The following DSTN variants were observed in gnomAD, a reference collection of about 807,000 sequenced individuals.
DSTN encodes the protein destrin.
DSTN carries 10 observed loss-of-function variants against 16.8 expected under a neutral mutation model. The ratio of observed to expected loss-of-function variants is 0.60; its 90% CI spans 0.37 to 1.01. The LOEUF is 1.01. DSTN is among the 50% of genes least tolerant of loss of function. The probability of loss-of-function intolerance (pLI) is 0.01; values close to 1 mark genes in which losing one functional copy is unlikely to be tolerated. For synonymous variants in DSTN, 57 were observed against 58.9 expected (o/e 0.97, Z 0.14); for missense variants, 141 against 196.7 (o/e 0.72, Z 1.69).
At chr20:17,573,638 A>G (rs923531219) in intron 1 of DSTN, among the ~76,000 whole-genome samples, 3 of 152,122 alleles carry the variant, frequency 2.0e-5, no homozygotes, top group African/African-American at 7.2e-5. Flanking sequence ...GTTGTATCTC[A>G]TCATTAACAG....
chr20:17,588,833 G>A (rs74273008), intron 1 of DSTN, among the ~76,000 whole-genome samples: 10,714 of 152,182 alleles, frequency 0.07, 615 homozygotes, highest in African/African-American at 0.15. Context: ...TGGACAGCAC[G>A]GCTCTCTAGA....
intron 1 of DSTN, among the ~76,000 whole-genome samples, chr20:17,587,504 G>A (rs888757717): frequency 6.6e-6 from 1 of 151,994 alleles, no homozygotes; most frequent in Non-Finnish European, 1.5e-5. Context: ...ATTAACACTC[G>A]GAATAGGTAC....
At chr20:17,603,411 G>GA (rs564885603) in intron 2 of DSTN, among the ~76,000 whole-genome samples, 2 of 151,116 alleles carry the variant, frequency 1.3e-5, no homozygotes, top group South Asian at 2.1e-4. Context: ...ATAACATTGA[G>GA]AAAAAAAAAT....
rs973000288 is a variant in DSTN, at chr20:17,609,309, G to A, written c.*2163G>A. The A allele has an allele frequency of 4.1e-4, 62 of 152,344 alleles. No individual in the cohort carries two copies. The highest frequency in any genetic ancestry group is 1.4e-3 in the African/African-American group (57 of 41,564). 9.4% of individuals were successfully genotyped at this position (152,344 alleles called of 1,614,324 possible). A position where few individuals can be genotyped will look rare whatever the true frequency, so the allele number is the denominator to read the frequency against. Reference sequence around the variant, plus strand: ...TCCTTGAACTCTTGGGCTCCAGCAAGCCTCCTGCCTTGGCCTCCTAAAGTG... The same window carrying A: ...TCCTTGAACTCTTGGGCTCCAGCAAACCTCCTGCCTTGGCCTCCTAAAGTG... On this transcript the variant is annotated 3_prime_UTR_variant, in exon 4 of 4. Transcript: ENST00000246069.
chr20:17,577,553 C>T (rs1306756187), intron 1 of DSTN, among the ~76,000 whole-genome samples: 2 of 137,332 alleles, frequency 1.5e-5, no homozygotes, highest in African/African-American at 5.9e-5. Flanking sequence ...GGCAACAAAG[C>T]AAGACCCTGT....
intron 2 of DSTN, 93 bp downstream of exon 2, chr20:17,601,138 C>G (rs2035582989): frequency 7.1e-7 from 1 of 1,407,688 alleles, no homozygotes; most frequent in East Asian, 2.4e-5. Flanking sequence ...TTTATTCAAA[C>G]TATTTGCAGT....
intron 1 of DSTN, among the ~76,000 whole-genome samples, chr20:17,596,451 G>C (rs2035527524): frequency 6.6e-6 from 1 of 152,124 alleles, no homozygotes; most frequent in African/African-American, 2.4e-5. Flanking sequence ...TTCCTTTTCT[G>C]TTCATATATT....
At chr20:17,570,299 AGC>A in intron 1 of DSTN, 88 bp downstream of exon 1, 6 of 1,376,866 alleles carry the variant, frequency 4.4e-6, no homozygotes, top group Non-Finnish European at 5.6e-6. Flanking sequence ...TAAGGGGGTG[AGC>A]CGTGCCTCAG....
At chr20:17,584,368 T>C (rs2035383326) in intron 1 of DSTN, among the ~76,000 whole-genome samples, 1 of 152,126 alleles carries the variant, frequency 6.6e-6, no homozygotes. Context: ...TATGCTTACC[T>C]GCAGGGCACA....
Position 17,570,109 on chromosome 20 carries a change from A to T in DSTN, c.-100A>T. The T allele has an allele frequency of 2.7e-6, 4 of 1,484,930 alleles. No individual in the cohort carries two copies. The highest frequency in any genetic ancestry group is 2.9e-5 in the East Asian group (1 of 34,454). 92.0% of individuals were successfully genotyped at this position (1,484,930 alleles called of 1,614,324 possible). A position where few individuals can be genotyped will look rare whatever the true frequency, so the allele number is the denominator to read the frequency against. ...TAAGCTCGCGCCGCCGCGTCAGCTC[A>T]GCGCTGGGTCTCTCGGTCCCGCAGC... On this transcript the variant is annotated 5_prime_UTR_variant, in exon 1 of 4. Transcript: ENST00000246069.
chr20:17,583,713 A>T (rs2035371591), intron 1 of DSTN, among the ~76,000 whole-genome samples: 2 of 138,238 alleles, frequency 1.4e-5, no homozygotes, highest in Non-Finnish European at 3.1e-5. Flanking sequence ...ATGAGGAATG[A>T]CTGCTAATGG....
intron 1 of DSTN, among the ~76,000 whole-genome samples, chr20:17,575,600 T>C (rs896801149): frequency 2.6e-5 from 4 of 152,082 alleles, no homozygotes; most frequent in African/African-American, 7.2e-5. Context: ...TAGCTGGGAC[T>C]ATATATAGGC....
At chr20:17,601,193 G>A (rs1171989494) in intron 2 of DSTN, 148 bp downstream of exon 2, 1 of 1,024,688 alleles carries the variant, frequency 9.8e-7, no homozygotes, top group African/African-American at 1.7e-5. Context: ...ATGTTACCAG[G>A]GCTGATGTTT....
At chr20:17,605,654 G>T (rs1367110226) in intron 3 of DSTN, among the ~76,000 whole-genome samples, 3 of 152,172 alleles carry the variant, frequency 2.0e-5, no homozygotes, top group African/African-American at 7.2e-5. Context: ...CCCCAGAAGT[G>T]TGTCACTGGG....
At chr20:17,578,697 A>T (rs2035308189) in intron 1 of DSTN, among the ~76,000 whole-genome samples, 1 of 152,194 alleles carries the variant, frequency 6.6e-6, no homozygotes, top group African/African-American at 2.4e-5. Context: ...GTGGTGGCTC[A>T]CGCCTGTTAT....
At chr20:17,603,090 C>T (rs1173289601) in intron 2 of DSTN, among the ~76,000 whole-genome samples, 1 of 152,210 alleles carries the variant, frequency 6.6e-6, no homozygotes, top group Non-Finnish European at 1.5e-5. Context: ...TGTGATGGCT[C>T]TGCCTCCTTC....
chr20:17,595,819 A>AT lies in DSTN; in HGVS notation c.4-4910dup, dbSNP rs548278698. On this transcript the variant is annotated intron_variant, in intron 1 of 3. Coordinates refer to ENST00000246069, the MANE Select transcript of DSTN (RefSeq NM_006870.4). ...TAGTAAGTACTCAGTGTATGTTTTA[A>AT]TTTTTTTTTAATGTTTTGGCTCTTC... Among the ~76,000 whole-genome samples the AT allele has an allele frequency of 2.2e-3, 333 of 151,608 alleles. 2 individuals carry two copies. The highest frequency in any genetic ancestry group is 3.8e-3 in the Non-Finnish European group (260 of 67,860).
At chr20:17,601,074 G>A in intron 2 of DSTN, 29 bp downstream of exon 2, 8 of 1,550,950 alleles carry the variant, frequency 5.2e-6, no homozygotes, top group Non-Finnish European at 7.0e-6. Flanking sequence ...TTGAGCCTCT[G>A]TAAAACTCAT....
At position 17,592,074 on chromosome 20, in the gene DSTN, C is replaced by T. The variant is rs140515380; in HGVS notation, c.4-8664C>T. 2.6e-4 allele frequency: 259 copies of T among 985,322 alleles called. 1 individual carries two copies. The East Asian group carries it at 0.016, about 62-fold the overall frequency. 61.0% of individuals were successfully genotyped at this position (985,322 alleles called of 1,614,324 possible). A position where few individuals can be genotyped will look rare whatever the true frequency, so the allele number is the denominator to read the frequency against. On this transcript the variant is annotated intron_variant, in intron 1 of 3. Coordinates refer to ENST00000246069, the MANE Select transcript of DSTN (RefSeq NM_006870.4). ...GGGCCAGGCTTTAGGGTTAGTATTC[C>T]GTGCTTTCTGTCTGCCTCATGGTTT...
Sources: allele counts gnomAD v4.1 joint callset (sites outside exome capture counted in the v4.1 genomes callset), GRCh38; gene constraint gnomAD v4.1.1; transcripts MANE v1.5; gene names NCBI Gene and HGNC (gene_info 2026-07-23, HGNC 2026-07-21).